The following EML1 variants were observed in gnomAD, a reference collection of about 807,000 sequenced individuals.
EML1 encodes the protein echinoderm microtubule-associated protein-like 1.
A neutral mutation model predicts 110.4 loss-of-function variants in EML1; 27 were observed. That is an observed-to-expected ratio of 0.24 (90% CI 0.18 to 0.34). The LOEUF (loss-of-function observed/expected upper bound fraction) is 0.34. Ranked by LOEUF, EML1 falls within the 10% of genes least tolerant of loss-of-function variation. EML1 has a pLI of 1.00. For missense variants in EML1, 741 were observed against 1,030.9 expected (o/e 0.72, Z 3.85); for synonymous variants, 344 against 385.8 (o/e 0.89, Z 1.27).
At chr14:99,904,383 A>G (rs1428741230) in intron 9 of EML1, among the ~76,000 whole-genome samples, 1 of 152,216 alleles carries the variant, frequency 6.6e-6, no homozygotes, top group East Asian at 1.9e-4. Context: ...GGCAAAAAAA[A>G]ATCCACATTT....
chr14:99,834,337 C>T (rs1035000371), intron 1 of EML1, among the ~76,000 whole-genome samples: 1 of 149,172 alleles, frequency 6.7e-6, no homozygotes, highest in South Asian at 2.1e-4. Flanking sequence ...AAGTCTTGCT[C>T]TATCACCCAG....
At chr14:99,820,970 C>T (rs886547205) in intron 1 of EML1, among the ~76,000 whole-genome samples, 7 of 151,782 alleles carry the variant, frequency 4.6e-5, no homozygotes, top group Non-Finnish European at 8.8e-5. Context: ...AAGGTTCAAG[C>T]AGAGGCTGGA....
At chr14:99,914,855 G>A in intron 15 of EML1, 158 bp downstream of exon 15, 1 of 967,638 alleles carries the variant, frequency 1.0e-6, no homozygotes, top group East Asian at 2.9e-5. Context: ...GCATTTAACA[G>A]TGTTACTTTT....
At chr14:99,855,793 T>C (rs1011323328) in intron 2 of EML1, among the ~76,000 whole-genome samples, 3 of 152,214 alleles carry the variant, frequency 2.0e-5, no homozygotes, top group Admixed American at 1.3e-4. Context: ...CTTCATTAAT[T>C]AATGGATCAG....
chr14:99,873,663 T>C (rs1158202338), intron 3 of EML1, among the ~76,000 whole-genome samples: 12 of 152,236 alleles, frequency 7.9e-5, no homozygotes. Context: ...GAAAGACTTA[T>C]GTATATAGAA....
chr14:99,747,337 G>A (rs1297741249), intron 1 of EML1, among the ~76,000 whole-genome samples: 1 of 152,146 alleles, frequency 6.6e-6, no homozygotes, highest in Non-Finnish European at 1.5e-5. Context: ...CCAGCCTCTG[G>A]CCCAGGAGAA....
At chr14:99,901,683 G>A (rs2059765797) in intron 9 of EML1, among the ~76,000 whole-genome samples, 1 of 152,208 alleles carries the variant, frequency 6.6e-6, no homozygotes, top group African/African-American at 2.4e-5. Flanking sequence ...TGGTGCTGGT[G>A]GGAGTGTAGC....
Position 99,914,592 on chromosome 14 carries a change from G to A in EML1, c.1647G>A (p.Leu549=), listed in dbSNP as rs1470574775. The A allele has an allele frequency of 1.2e-6, 2 of 1,609,040 alleles. No homozygotes were observed. The highest frequency in any genetic ancestry group is 1.7e-6 in the Non-Finnish European group (2 of 1,179,006). ...TQGHTDELWG[L]AIHASKSQFL... is the part of the protein sequence containing the mutation. Reference sequence around the variant, plus strand: ...GTCACACTGATGAGCTCTGGGGACTGGCCATCCATGCCTCAAAATCTCAGT... The same window carrying A: ...GTCACACTGATGAGCTCTGGGGACTAGCCATCCATGCCTCAAAATCTCAGT... The change falls in exon 15 of 22, where the codon CTG becomes CTA. Residue 549 remains leucine (L), a synonymous_variant. Coordinates refer to ENST00000262233, the MANE Select transcript of EML1 (RefSeq NM_004434.3).
At chr14:99,914,454 T>C in intron 14 of EML1, 112 bp from the exon 15 acceptor site, 2 of 1,527,280 alleles carry the variant, frequency 1.3e-6, no homozygotes. Context: ...GGAGAGAAAC[T>C]GTTGAGAGCA....
intron 1 of EML1, among the ~76,000 whole-genome samples, chr14:99,751,230 G>T (rs924497312): frequency 6.6e-6 from 1 of 151,890 alleles, no homozygotes; most frequent in Non-Finnish European, 1.5e-5. Flanking sequence ...TGAGAGCCCC[G>T]TGTGCCATGT....
intron 1 of EML1, among the ~76,000 whole-genome samples, chr14:99,805,696 G>A (rs750877730): frequency 2.0e-5 from 3 of 151,822 alleles, no homozygotes; most frequent in Non-Finnish European, 4.4e-5. Flanking sequence ...AGCTGGTTTT[G>A]AACTCCTGGG....
intron 17 of EML1, among the ~76,000 whole-genome samples, chr14:99,923,614 G>T (rs2060171853): frequency 6.7e-6 from 1 of 148,166 alleles, no homozygotes; most frequent in African/African-American, 2.4e-5. Context: ...AAATGTAAAG[G>T]TTTATTTCCG....
chr14:99,873,890 G>A (rs1479502203), intron 3 of EML1, among the ~76,000 whole-genome samples: 2 of 152,328 alleles, frequency 1.3e-5, no homozygotes, highest in East Asian at 1.9e-4. Context: ...AGCGCACAGT[G>A]GATGGTTGAT....
intron 1 of EML1, among the ~76,000 whole-genome samples, chr14:99,803,988 C>T (rs1324079156): frequency 6.6e-6 from 1 of 152,144 alleles, no homozygotes; most frequent in African/African-American, 2.4e-5. Flanking sequence ...ATGTGGCAGC[C>T]GCTCCCAGGG....
intron 1 of EML1, among the ~76,000 whole-genome samples, chr14:99,740,054 C>T (rs971389303): frequency 5.3e-5 from 8 of 152,188 alleles, no homozygotes; most frequent in African/African-American, 1.2e-4. Flanking sequence ...CCTAAAATAA[C>T]GCCAGGCTTA....
chr14:99,770,778 G>GTTTTTTTTTTTTTTTTTT (rs1198007774), upstream of EML1, among the ~76,000 whole-genome samples: 7 of 79,570 alleles, frequency 8.8e-5, no homozygotes, highest in East Asian at 5.1e-4. Flanking sequence ...AGTTTCCGCT[G>GTTTTTTTTTTTTTTTTTT]ATTTTTTTTT....
At chr14:99,860,327 C>T (rs2058981665) in intron 2 of EML1, among the ~76,000 whole-genome samples, 1 of 152,108 alleles carries the variant, frequency 6.6e-6, no homozygotes, top group Non-Finnish European at 1.5e-5. Flanking sequence ...TTAGTGTCAT[C>T]TGGAAGCTAG....
intron 1 of EML1, among the ~76,000 whole-genome samples, chr14:99,802,792 G>A (rs918431584): frequency 1.3e-5 from 2 of 152,108 alleles, no homozygotes; most frequent in Non-Finnish European, 2.9e-5. Flanking sequence ...CGAGCCATCA[G>A]CATCCAGATA....
upstream of EML1, among the ~76,000 whole-genome samples, chr14:99,789,999 T>G (rs2057645722): frequency 6.6e-6 from 1 of 152,140 alleles, no homozygotes; most frequent in South Asian, 2.1e-4. Flanking sequence ...AGATTATACC[T>G]AAGTGACTTA....
Sources: allele counts gnomAD v4.1 joint callset (sites outside exome capture counted in the v4.1 genomes callset), GRCh38; gene constraint gnomAD v4.1.1; transcripts MANE v1.5; gene names NCBI Gene and HGNC (gene_info 2026-07-23, HGNC 2026-07-21).